The following MAP3K13 variants were observed in gnomAD, a reference collection of about 807,000 sequenced individuals.
The protein encoded by MAP3K13 is mitogen-activated protein kinase kinase kinase 13.
MAP3K13 carries 52 observed loss-of-function variants against 104.0 expected under a neutral mutation model. That is an observed-to-expected ratio of 0.50 (90% CI 0.40 to 0.63). The LOEUF is 0.63. MAP3K13 is among the 20% of genes least tolerant of loss of function. The pLI, the probability that MAP3K13 is intolerant of heterozygous loss-of-function variation, is 0.00. For missense variants in MAP3K13, 914 were observed against 1,218.5 expected (o/e 0.75, Z 3.72); for synonymous variants, 394 against 442.2 (o/e 0.89, Z 1.37).
chr3:185,359,861 C>T (rs1381362028), upstream of MAP3K13, among the ~76,000 whole-genome samples: 1 of 151,980 alleles, frequency 6.6e-6, no homozygotes, highest in East Asian at 1.9e-4. Context: ...ACAAAAATTG[C>T]CCATGGGTCA....
At chr3:185,471,613 C>A (rs1463991190) in intron 10 of MAP3K13, among the ~76,000 whole-genome samples, 2 of 151,904 alleles carry the variant, frequency 1.3e-5, no homozygotes, top group East Asian at 1.9e-4. Context: ...GCGCCCACCA[C>A]CACGCCTGGC....
chr3:185,362,428 A>G (rs960122980), upstream of MAP3K13, among the ~76,000 whole-genome samples: 13 of 152,322 alleles, frequency 8.5e-5, 1 homozygote, highest in African/African-American at 2.4e-4. Flanking sequence ...CTGTGTCTTA[A>G]TCGACTGCCA....
intron 2 of MAP3K13, among the ~76,000 whole-genome samples, chr3:185,347,971 C>A (rs1722995161): frequency 7.0e-6 from 1 of 142,850 alleles, no homozygotes; most frequent in Non-Finnish European, 1.5e-5. Context: ...GAGATTGCAT[C>A]ATTGCACTCC....
chr3:185,393,024 C>T (rs1016570325), intron 1 of MAP3K13, among the ~76,000 whole-genome samples: 1 of 151,780 alleles, frequency 6.6e-6, no homozygotes, highest in Non-Finnish European at 1.5e-5. Flanking sequence ...TGCACTCCAG[C>T]CTGGGTGATG....
chr3:185,407,162 G>A lies in MAP3K13; in HGVS notation c.-85-21335G>A, dbSNP rs1426790722. ...ATGAGCTGATTATCTATTTGTCTGTGAACCTTGGATATAAATAATGTTTCT... is the reference window on the plus strand; with the variant it reads ...ATGAGCTGATTATCTATTTGTCTGTAAACCTTGGATATAAATAATGTTTCT... On this transcript the variant is annotated intron_variant, in intron 1 of 13. Coordinates refer to ENST00000265026, the MANE Select transcript of MAP3K13 (RefSeq NM_004721.5). 3.3e-5 allele frequency among the ~76,000 whole-genome samples: 5 copies of A among 152,266 alleles called. No individual in the cohort carries two copies. The South Asian group carries it at 6.2e-4, about 19-fold the overall frequency.
intron 2 of MAP3K13, among the ~76,000 whole-genome samples, chr3:185,351,151 C>T (rs1046467587): frequency 2.0e-5 from 3 of 152,098 alleles, no homozygotes; most frequent in African/African-American, 7.2e-5. Context: ...TAAGTGGGAG[C>T]TAAACATTGA....
At chr3:185,391,828 A>G (rs1337719334) in intron 1 of MAP3K13, among the ~76,000 whole-genome samples, 2 of 152,212 alleles carry the variant, frequency 1.3e-5, no homozygotes, top group Non-Finnish European at 2.9e-5. Flanking sequence ...ACTGTTCACA[A>G]TTAAAAAGCA....
rs1014456178 is a variant in MAP3K13 at position 185,437,778 on chromosome 3, T to C, written c.659+148T>C. On this transcript the variant is annotated intron_variant, in intron 3 of 13. Coordinates refer to ENST00000265026, the MANE Select transcript of MAP3K13 (RefSeq NM_004721.5). ...GCTTTGGGAGGGTATCAAGGAACTA[T>C]TAAATTGGAGTTGTGTCCTCAGGCA... The C allele has an allele frequency of 3.3e-5, 25 of 759,480 alleles. No homozygotes were observed. The African/African-American group carries it at 4.1e-4, about 12-fold the overall frequency. 47.0% of individuals were successfully genotyped at this position (759,480 alleles called of 1,614,324 possible). A position where few individuals can be genotyped will look rare whatever the true frequency, so the allele number is the denominator to read the frequency against.
chr3:185,394,702 A>G (rs899441135), intron 1 of MAP3K13, among the ~76,000 whole-genome samples: 5 of 152,200 alleles, frequency 3.3e-5, no homozygotes, highest in African/African-American at 1.2e-4. Context: ...AGGTTTTTAA[A>G]GTATTTCTTT....
chr3:185,322,413 C>T (rs1443101315), intron 2 of MAP3K13, among the ~76,000 whole-genome samples: 1 of 152,266 alleles, frequency 6.6e-6, no homozygotes, highest in Middle Eastern at 3.4e-3. Flanking sequence ...TTTGATGGAA[C>T]CCTTTTTCCT....
intron 2 of MAP3K13, among the ~76,000 whole-genome samples, chr3:185,431,837 A>T (rs1420396849): frequency 6.6e-6 from 1 of 152,152 alleles, no homozygotes; most frequent in Admixed American, 6.6e-5. Flanking sequence ...CCATAACTAT[A>T]TTGGGATTAC....
intron 2 of MAP3K13, among the ~76,000 whole-genome samples, chr3:185,314,789 C>T (rs913452514): frequency 1.3e-5 from 2 of 152,104 alleles, no homozygotes; most frequent in Non-Finnish European, 2.9e-5. Context: ...AGGTACACAC[C>T]ACCACATCCA....
intron 1 of MAP3K13, among the ~76,000 whole-genome samples, chr3:185,396,025 G>A (rs1481468606): frequency 6.6e-6 from 1 of 151,818 alleles, no homozygotes; most frequent in Admixed American, 6.6e-5. Flanking sequence ...ATTATTACTG[G>A]TTTCCTTTTT....
chr3:185,420,202 G>GTTTTTTTTTTTTTTTTTTTTTTTT (rs1714037559), intron 1 of MAP3K13, among the ~76,000 whole-genome samples: 4 of 152,182 alleles, frequency 2.6e-5, no homozygotes, highest in African/African-American at 9.6e-5. Flanking sequence ...GTCGATTTGA[G>GTTTTTTTTTTTTTTTTTTTTTTTT]TTTTTATTGT....
At chr3:185,374,786 T>G (rs9840343) in intron 1 of MAP3K13, among the ~76,000 whole-genome samples, 39,822 of 151,722 alleles carry the variant, frequency 0.26, 5,264 homozygotes, top group Admixed American at 0.31. Flanking sequence ...AGTAAGTCAA[T>G]ACCTTGGTGA....
At position 185,465,747 on chromosome 3, in the gene MAP3K13, G is replaced by A; in HGVS notation, c.1389G>A (p.Arg463=). The A allele has an allele frequency of 6.2e-7, 1 of 1,611,042 alleles. No homozygotes were observed. ...ELIRRRREEL[R]HALDIREHYE... is the part of the protein sequence containing the mutation. ...GCTGACCCTGTGTTTTCTCTGACAG[G>A]CATGCGCTGGATATTCGTGAACACT... The change falls in exon 9 of 14, where the codon AGG becomes AGA. Residue 463 remains arginine (R), a splice_region_variant and synonymous_variant. Transcript: ENST00000265026.
chr3:185,348,762 CA>C (rs1723028136), intron 2 of MAP3K13, among the ~76,000 whole-genome samples: 1 of 151,998 alleles, frequency 6.6e-6, no homozygotes, highest in Non-Finnish European at 1.5e-5. Context: ...ACTAAAAATA[CA>C]AAAATTAGCT....
chr3:185,345,501 G>T (rs1405629271), intron 2 of MAP3K13, among the ~76,000 whole-genome samples: 1 of 152,188 alleles, frequency 6.6e-6, no homozygotes, highest in Non-Finnish European at 1.5e-5. Flanking sequence ...ATTTACAGCT[G>T]CTCCCCATCA....
intron 7 of MAP3K13, among the ~76,000 whole-genome samples, chr3:185,453,862 T>TGTGATG (rs1230238415): frequency 1.6e-5 from 1 of 63,934 alleles, no homozygotes; most frequent in Admixed American, 2.0e-4. Context: ...GAGATATATA[T>TGTGATG]ATATGATACA....
Sources: allele counts gnomAD v4.1 joint callset (sites outside exome capture counted in the v4.1 genomes callset), GRCh38; gene constraint gnomAD v4.1.1; transcripts MANE v1.5; gene names NCBI Gene and HGNC (gene_info 2026-07-23, HGNC 2026-07-21).